Variants in CYFIP2 observed in about 807,000 individuals in gnomAD.
CYFIP2 encodes the protein cytoplasmic FMR1-interacting protein 2.
In CYFIP2, 29 loss-of-function variants were observed where a neutral mutation model predicts 158.7. The observed-to-expected ratio is 0.18, with a 90% CI of 0.14 to 0.25. The LOEUF (loss-of-function observed/expected upper bound fraction) is 0.25, where lower values mean the gene tolerates loss of function less well. Among genes scored for constraint, CYFIP2 ranks in the 10% least tolerant of loss-of-function variants. The pLI, the probability that CYFIP2 is intolerant of heterozygous loss-of-function variation, is 1.00. For missense variants in CYFIP2, 852 were observed against 1,639.5 expected, an observed-to-expected ratio of 0.52 and a Z score of 8.29; for synonymous variants, 585 against 617.6, an observed-to-expected ratio of 0.95 and a Z score of 0.78.
chr5:157,340,975 C>G, intron 22 of CYFIP2, 95 bp from the exon 23 acceptor site: 2 of 1,187,084 alleles, frequency 1.7e-6, no homozygotes, highest in Middle Eastern at 1.9e-4. Context: ...CAGTGCAAAC[C>G]TTCACCTGGC....
intron 8 of CYFIP2, among the ~76,000 whole-genome samples, chr5:157,306,114 C>G (rs1561709903): frequency 6.6e-6 from 1 of 152,234 alleles, no homozygotes; most frequent in Non-Finnish European, 1.5e-5. Context: ...ATCCTCACCT[C>G]TCAATGTTCT....
At chr5:157,312,359 A>G (rs886165804) in intron 11 of CYFIP2, among the ~76,000 whole-genome samples, 2 of 151,294 alleles carry the variant, frequency 1.3e-5, no homozygotes, top group African/African-American at 2.5e-5. Context: ...TGATCAGCGC[A>G]CAAACCTCAG....
chr5:157,279,515 C>T (rs557804425), intron 1 of CYFIP2, among the ~76,000 whole-genome samples: 2 of 152,242 alleles, frequency 1.3e-5, no homozygotes, highest in East Asian at 3.8e-4. Context: ...GACCCACCCC[C>T]CTCTTGCTTG....
At chr5:157,336,258 A>G (rs1007796390) in intron 21 of CYFIP2, among the ~76,000 whole-genome samples, 1 of 152,222 alleles carries the variant, frequency 6.6e-6, no homozygotes, top group African/African-American at 2.4e-5. Context: ...TACACAGCTG[A>G]GCAAACAGAG....
chr5:157,276,887 A>T (rs1011913264), intron 1 of CYFIP2, among the ~76,000 whole-genome samples: 1 of 152,100 alleles, frequency 6.6e-6, no homozygotes, highest in African/African-American at 2.4e-5. Context: ...TCTCTCTGTG[A>T]TTGTGATATA....
chr5:157,300,142 A>G (rs140286126), intron 5 of CYFIP2, among the ~76,000 whole-genome samples: 150 of 152,222 alleles, frequency 9.9e-4, no homozygotes, highest in African/African-American at 3.6e-3. Context: ...AGGTGCTGGG[A>G]ATGCCAAAAT....
At chr5:157,366,126 G>T (rs192932671) in intron 26 of CYFIP2, among the ~76,000 whole-genome samples, 56 of 152,152 alleles carry the variant, frequency 3.7e-4, no homozygotes, top group Admixed American at 2.0e-4. Flanking sequence ...TAAACAATTT[G>T]TCCCTCTTTA....
chr5:157,305,067 G>A (rs1007056977), intron 8 of CYFIP2, among the ~76,000 whole-genome samples: 1 of 152,148 alleles, frequency 6.6e-6, no homozygotes, highest in African/African-American at 2.4e-5. Context: ...CCAGGTTGCT[G>A]TGAATGCCAT....
intron 15 of CYFIP2, chr5:157,322,952 G>T: frequency 2.0e-6 from 3 of 1,535,884 alleles, no homozygotes; most frequent in Non-Finnish European, 1.7e-6. Flanking sequence ...GCCTGCCAGT[G>T]GTCCCCGAGG....
At chr5:157,382,099 TGCTAGTTGATGTCTGG>T (rs1331050565) in intron 26 of CYFIP2, among the ~76,000 whole-genome samples, 2 of 152,208 alleles carry the variant, frequency 1.3e-5, no homozygotes, top group East Asian at 3.9e-4. Context: ...CCTCTTTTCT[TGCTAGTTGATGTCTGG>T]TGTGGAGAAA....
chr5:157,311,800 G>C lies in CYFIP2; in HGVS notation c.1110+19G>C, dbSNP rs1759751523. On this transcript the variant is annotated intron_variant, in intron 11 of 30. Transcript: ENST00000620254. This position sits in a 1 kb window ranked among gnomAD's most constrained non-coding sequence, Gnocchi z 4.7. ...CAGTGAGGTGAGCATGCAGGCTGCT[G>C]GGGCACAGGCCCGTGGGCCCAGGGC... 3 of 1,576,868 alleles carry C rather than the reference G, an allele frequency of 1.9e-6. No individual in the cohort carries two copies. The highest frequency in any genetic ancestry group is 2.7e-5 in the African/African-American group (2 of 74,106).
At chr5:157,345,397 C>T (rs1401426656) in intron 23 of CYFIP2, 1 of 152,610 alleles carries the variant, frequency 6.6e-6, no homozygotes, top group Non-Finnish European at 1.5e-5. Flanking sequence ...GGACCAGGTC[C>T]GTCTCCCTTA....
chr5:157,328,182 G>T (rs3930068), intron 19 of CYFIP2, 133 bp downstream of exon 19: 2 of 815,164 alleles, frequency 2.5e-6, no homozygotes, highest in African/African-American at 1.7e-5. Flanking sequence ...CCCGGACTGG[G>T]TGCTGAGATA....
chr5:157,392,448 A>G (rs908754455), intron 30 of CYFIP2, among the ~76,000 whole-genome samples: 1 of 152,232 alleles, frequency 6.6e-6, no homozygotes, highest in Non-Finnish European at 1.5e-5. Context: ...GTGGGTATCC[A>G]TATTTCCCAG....
chr5:157,372,688 G>A (rs1027578614), intron 26 of CYFIP2, among the ~76,000 whole-genome samples: 1 of 152,134 alleles, frequency 6.6e-6, no homozygotes, highest in African/African-American at 2.4e-5. Context: ...CATCGAACTT[G>A]GCTGTGACTT....
At chr5:157,348,444 C>A (rs1011196786) in intron 23 of CYFIP2, among the ~76,000 whole-genome samples, 3 of 152,182 alleles carry the variant, frequency 2.0e-5, no homozygotes, top group African/African-American at 7.2e-5. Context: ...TGGAGTCTCA[C>A]TCTGTTGCCC....
intron 21 of CYFIP2, among the ~76,000 whole-genome samples, chr5:157,334,296 A>C (rs1373119646): frequency 1.3e-5 from 2 of 152,228 alleles, no homozygotes; most frequent in African/African-American, 4.8e-5. Context: ...TTTCAGTTGG[A>C]GAAGGTGAGT....
Position 157,354,860 on chromosome 5 carries a change from A to ATGTAAAT in CYFIP2, c.2674-4144_2674-4138dup, listed in dbSNP as rs376241097. Among the ~76,000 whole-genome samples, 1,450 of 152,238 alleles carry ATGTAAAT rather than the reference A, an allele frequency of 9.5e-3. 33 individuals are homozygous for ATGTAAAT. The highest frequency in any genetic ancestry group is 0.034 in the African/African-American group (1,402 of 41,516). ...AATTCCTGCTGAACAGTTTCCATAT[A>ATGTAAAT]TGTAAATGTGTATTTATTTGTGCTT... On this transcript the variant is annotated intron_variant, in intron 23 of 30. Transcript: ENST00000620254.
At chr5:157,282,507 A>G (rs967629108) in intron 1 of CYFIP2, among the ~76,000 whole-genome samples, 1 of 152,218 alleles carries the variant, frequency 6.6e-6, no homozygotes, top group African/African-American at 2.4e-5. Context: ...AACTATGTCA[A>G]TGGATGTTTG....
Sources: allele counts gnomAD v4.1 joint callset (sites outside exome capture counted in the v4.1 genomes callset), GRCh38; gene constraint gnomAD v4.1.1; non-coding constraint Gnocchi (gnomAD v3.1); transcripts MANE v1.5; gene names NCBI Gene and HGNC (gene_info 2026-07-23, HGNC 2026-07-21).